The following CEP128 variants were observed in gnomAD, a reference collection of about 807,000 sequenced individuals.
CEP128 encodes centrosomal protein 128, also known as centrosomal protein 128kDa.
In CEP128, 132 loss-of-function variants were observed where a neutral mutation model predicts 156.7. That is an observed-to-expected ratio of 0.84 (90% CI 0.73 to 0.97). The LOEUF (loss-of-function observed/expected upper bound fraction) is 0.97. CEP128 is among the 50% of genes least tolerant of loss of function. The pLI is 0.00. For synonymous variants in CEP128, 469 were observed against 448.9 expected, an observed-to-expected ratio of 1.04 and a Z score of -0.57; for missense variants, 1,252 against 1,281.9, an observed-to-expected ratio of 0.98 and a Z score of 0.36.
intron 18 of CEP128, among the ~76,000 whole-genome samples, chr14:80,748,242 G>A (rs6574605): frequency 0.33 from 50,719 of 151,976 alleles, 9,626 homozygotes; most frequent in Non-Finnish European, 0.43. Flanking sequence ...AGCCTACTTC[G>A]CTTCTCAATA....
intron 8 of CEP128, among the ~76,000 whole-genome samples, chr14:80,868,774 T>C (rs563667054): frequency 6.1e-4 from 93 of 152,020 alleles, no homozygotes; most frequent in African/African-American, 2.2e-3. Context: ...ACTTTAGAGA[T>C]ACAAATAGAC....
rs771378662 is a variant in CEP128, at chr14:80,900,007, A to G, written c.503T>C (p.Leu168Pro). Residue 168 changes from leucine (L) to proline (P), a missense_variant, in exon 7 of 25, where the codon CTT becomes CCT. By Grantham distance (98) the Leu-to-Pro change is moderately conservative (BLOSUM62 -3). Coordinates refer to ENST00000555265, the MANE Select transcript of CEP128 (RefSeq NM_152446.5). ...MTQLHGFHQS[L>P]RDLSSEQIRL... ...AATTTGTTCACTGCTGAGGTCTCGA[A>G]GAGACTGATGAAAACCATGAAGCTA... 2 of 1,612,942 alleles carry G rather than the reference A, an allele frequency of 1.2e-6. No individual in the cohort carries two copies. Among genetic ancestry groups the G allele is most frequent in the Non-Finnish European group, 1.7e-6 (2 of 1,179,188 alleles).
At chr14:80,488,390 T>A (rs1305299875), downstream of CEP128, among the ~76,000 whole-genome samples, 2 of 151,122 alleles carry the variant, frequency 1.3e-5, no homozygotes, top group Non-Finnish European at 1.5e-5. Flanking sequence ...AAAGTGGCCA[T>A]GATCACTGGC....
At chr14:80,897,748 G>A (rs1306821223) in intron 7 of CEP128, among the ~76,000 whole-genome samples, 1 of 151,798 alleles carries the variant, frequency 6.6e-6, no homozygotes. Context: ...TCATATACTA[G>A]TGCAACAGAC....
chr14:80,571,104 T>C (rs1186103580), intron 20 of CEP128, among the ~76,000 whole-genome samples: 1 of 152,060 alleles, frequency 6.6e-6, no homozygotes, highest in Non-Finnish European at 1.5e-5. Flanking sequence ...CAAGAAAGGA[T>C]TGAGGAAAGC....
chr14:80,771,656 T>C (rs1308192886), intron 16 of CEP128, among the ~76,000 whole-genome samples: 1 of 152,224 alleles, frequency 6.6e-6, no homozygotes, highest in Non-Finnish European at 1.5e-5. Flanking sequence ...AGATGTCTCA[T>C]AATTTCTGGT....
At chr14:80,740,543 TAGACAGAC>T (rs376925365) in intron 19 of CEP128, among the ~76,000 whole-genome samples, 8,525 of 142,812 alleles carry the variant, frequency 0.06, 299 homozygotes, top group East Asian at 0.074. Context: ...GATAGATAGA[TAGACAGAC>T]AGATAGATAG....
intron 19 of CEP128, among the ~76,000 whole-genome samples, chr14:80,696,273 C>A (rs1896889498): frequency 6.6e-6 from 1 of 152,048 alleles, no homozygotes; most frequent in South Asian, 2.1e-4. Context: ...AAATAATAGA[C>A]TAAAACACAA....
intron 21 of CEP128, among the ~76,000 whole-genome samples, chr14:80,546,682 T>C (rs766441285): frequency 2.0e-5 from 3 of 152,146 alleles, no homozygotes; most frequent in Admixed American, 1.3e-4. Context: ...CAACCAACCA[T>C]GTCAAGGCCT....
chr14:80,647,529 CT>C (rs1330222990), intron 19 of CEP128, among the ~76,000 whole-genome samples: 20 of 151,356 alleles, frequency 1.3e-4, no homozygotes, highest in Admixed American at 4.0e-4. Flanking sequence ...ACTTTTTTTC[CT>C]TCTTTCTTGA....
chr14:80,955,684 A>G, intron 2 of CEP128: 1 of 1,613,982 alleles, frequency 6.2e-7, no homozygotes, highest in Non-Finnish European at 8.5e-7. Context: ...GTGGAAAATG[A>G]GGCCGGCGGA....
At chr14:80,546,810 A>G (rs1158381457) in intron 21 of CEP128, among the ~76,000 whole-genome samples, 1 of 152,186 alleles carries the variant, frequency 6.6e-6, no homozygotes, top group African/African-American at 2.4e-5. Context: ...GTGAGCCTAA[A>G]GAGAATAACA....
At chr14:80,769,279 G>GT (rs1257891256) in intron 16 of CEP128, among the ~76,000 whole-genome samples, 243 of 138,962 alleles carry the variant, frequency 1.7e-3, no homozygotes, top group Middle Eastern at 3.8e-3. Flanking sequence ...ATTCTGAGTT[G>GT]TTTTTTTTTT....
At chr14:80,702,846 G>GA (rs1215474011) in intron 19 of CEP128, among the ~76,000 whole-genome samples, 2 of 151,364 alleles carry the variant, frequency 1.3e-5, no homozygotes, top group African/African-American at 2.4e-5. Context: ...TCATTATCAG[G>GA]AAAAAAAATT....
intron 19 of CEP128, among the ~76,000 whole-genome samples, chr14:80,678,049 A>AAAAAAAATATATATAT: frequency 8.1e-5 from 8 of 98,494 alleles, no homozygotes; most frequent in African/African-American, 2.5e-4. Flanking sequence ...ATAAAAAAAA[A>AAAAAAAATATATATAT]ATATATATAT....
downstream of CEP128, among the ~76,000 whole-genome samples, chr14:80,488,689 G>A (rs1230894863): frequency 6.6e-6 from 1 of 152,126 alleles, no homozygotes; most frequent in Non-Finnish European, 1.5e-5. Flanking sequence ...GCACACGTAT[G>A]TTTATTGCGG....
intron 20 of CEP128, among the ~76,000 whole-genome samples, chr14:80,572,005 G>C (rs1891160199): frequency 6.6e-6 from 1 of 152,204 alleles, no homozygotes. Flanking sequence ...AGATTTAGCA[G>C]TTTTACCACA....
intron 23 of CEP128, among the ~76,000 whole-genome samples, chr14:80,509,768 A>G (rs2140210719): frequency 6.6e-6 from 1 of 152,272 alleles, no homozygotes; most frequent in Non-Finnish European, 1.5e-5. Flanking sequence ...GAGGTCATCT[A>G]TGGCTTTAAT....
intron 19 of CEP128, among the ~76,000 whole-genome samples, chr14:80,709,897 G>T (rs1018872491): frequency 2.0e-5 from 3 of 151,256 alleles, no homozygotes; most frequent in Non-Finnish European, 4.4e-5. Flanking sequence ...GTTTGCTTAT[G>T]AAATGGCAAA....
Sources: allele counts gnomAD v4.1 joint callset (sites outside exome capture counted in the v4.1 genomes callset), GRCh38; gene constraint gnomAD v4.1.1; transcripts MANE v1.5; gene names NCBI Gene and HGNC (gene_info 2026-07-23, HGNC 2026-07-21).